The following RHOT1 variants were observed in gnomAD, a reference collection of about 807,000 sequenced individuals.
RHOT1 encodes the protein ras homolog family member T1.
Under a neutral mutation model 95.3 loss-of-function variants are expected in RHOT1, and 27 were observed. That is an observed-to-expected ratio of 0.28 (90% CI 0.21 to 0.39). The LOEUF is 0.39. Ranked by LOEUF, RHOT1 falls within the 10% of genes least tolerant of loss-of-function variation. RHOT1 has a pLI of 1.00. For synonymous variants in RHOT1, 227 were observed against 263.5 expected, an observed-to-expected ratio of 0.86 and a Z score of 1.34; for missense variants, 578 against 786.7, an observed-to-expected ratio of 0.73 and a Z score of 3.17.
intron 15 of RHOT1, 163 bp from the exon 16 acceptor site, chr17:32,203,727 T>C: frequency 1.8e-6 from 1 of 569,178 alleles, no homozygotes. Flanking sequence ...TCTTAAGAAC[T>C]AAGAAACATA....
At chr17:32,203,499 C>A (rs1567715922) in intron 15 of RHOT1, among the ~76,000 whole-genome samples, 2 of 152,014 alleles carry the variant, frequency 1.3e-5, no homozygotes, top group South Asian at 4.1e-4. Flanking sequence ...TGGTCTTGAA[C>A]TACTTGGCCT....
intron 17 of RHOT1, 80 bp from the exon 18 acceptor site, chr17:32,208,027 G>A: frequency 7.7e-7 from 1 of 1,297,622 alleles, no homozygotes; most frequent in Non-Finnish European, 1.1e-6. Context: ...CCCATCTGGA[G>A]GAAATGCTTG....
chr17:32,150,838 G>A (rs752805778), intron 1 of RHOT1: 16 of 1,523,366 alleles, frequency 1.1e-5, no homozygotes, highest in Non-Finnish European at 1.3e-5. Flanking sequence ...GAGCTGAGGT[G>A]GAAGGGAGCT....
At chr17:32,153,665 GAAAAGTGTA>G (rs1051635895) in intron 1 of RHOT1, among the ~76,000 whole-genome samples, 36 of 151,860 alleles carry the variant, frequency 2.4e-4, no homozygotes, top group African/African-American at 8.2e-4. Flanking sequence ...TCTCAAAAAA[GAAAAGTGTA>G]AAATATCCAG....
At chr17:32,189,966 G>A (rs1212399168) in intron 8 of RHOT1, among the ~76,000 whole-genome samples, 2 of 151,794 alleles carry the variant, frequency 1.3e-5, no homozygotes, top group Admixed American at 6.6e-5. Flanking sequence ...TAATTTGCTC[G>A]CCTTGGCTTC....
intron 1 of RHOT1, chr17:32,143,258 C>T (rs974828662): frequency 2.7e-6 from 1 of 366,202 alleles, no homozygotes; most frequent in Non-Finnish European, 5.4e-6. Flanking sequence ...GGTCAGGTTT[C>T]TGCATTTTTT....
chr17:32,157,743 G>T (rs2033107708), intron 1 of RHOT1, among the ~76,000 whole-genome samples: 1 of 151,966 alleles, frequency 6.6e-6, no homozygotes, highest in Non-Finnish European at 1.5e-5. Context: ...GGAGGTGGAG[G>T]TTGCAGTGAG....
At chr17:32,215,953 A>G (rs1246901226) in intron 19 of RHOT1, among the ~76,000 whole-genome samples, 2 of 152,164 alleles carry the variant, frequency 1.3e-5, no homozygotes, top group Non-Finnish European at 2.9e-5. Context: ...TGGTCAGATG[A>G]TTTTAATCTT....
intron 16 of RHOT1, 63 bp downstream of exon 16, chr17:32,204,036 G>A: frequency 1.7e-6 from 2 of 1,155,034 alleles, no homozygotes; most frequent in South Asian, 1.3e-5. Context: ...ATGACTCTTT[G>A]AAAACAAATT....
At chr17:32,186,047 T>G (rs1175805902) in intron 8 of RHOT1, among the ~76,000 whole-genome samples, 1 of 152,140 alleles carries the variant, frequency 6.6e-6, no homozygotes, top group African/African-American at 2.4e-5. Context: ...TGAGTACATT[T>G]AGTAGTTGAA....
At chr17:32,178,198 T>C (rs973662720) in intron 6 of RHOT1, among the ~76,000 whole-genome samples, 18 of 144,820 alleles carry the variant, frequency 1.2e-4, no homozygotes, top group African/African-American at 5.0e-4. Context: ...AAATAATAAA[T>C]GCCCTCCCCC....
chr17:32,155,043 C>T (rs1234777285), intron 1 of RHOT1, among the ~76,000 whole-genome samples: 1 of 152,076 alleles, frequency 6.6e-6, no homozygotes, highest in African/African-American at 2.4e-5. Context: ...GTGATTGCAC[C>T]ACTGCACTGC....
intron 18 of RHOT1, among the ~76,000 whole-genome samples, chr17:32,210,446 T>C (rs896021475): frequency 3.3e-5 from 5 of 152,224 alleles, no homozygotes; most frequent in Non-Finnish European, 7.3e-5. Flanking sequence ...TTTACATCCT[T>C]ACCCAGAGTT....
At chr17:32,189,301 C>G (rs1261010233) in intron 8 of RHOT1, among the ~76,000 whole-genome samples, 3 of 151,738 alleles carry the variant, frequency 2.0e-5, no homozygotes, top group Admixed American at 2.0e-4. Flanking sequence ...GACCCCACCT[C>G]AAGAAAAAAA....
chr17:32,190,343 T>C (rs1445495399), intron 8 of RHOT1, among the ~76,000 whole-genome samples: 4 of 151,988 alleles, frequency 2.6e-5, no homozygotes, highest in African/African-American at 7.2e-5. Flanking sequence ...TAGACCCAGC[T>C]ACTCGGGAGA....
chr17:32,176,055 G>A (rs770338982), intron 5 of RHOT1, 40 bp downstream of exon 5: 10 of 1,583,292 alleles, frequency 6.3e-6, no homozygotes, highest in Non-Finnish European at 8.6e-6. Context: ...GGTTTCAGTG[G>A]AGTGCTTCCA....
chr17:32,173,678 A>T (rs568878488), intron 2 of RHOT1, among the ~76,000 whole-genome samples, 153 bp from the exon 3 acceptor site: 1 of 151,548 alleles, frequency 6.6e-6, no homozygotes, highest in East Asian at 1.9e-4. Context: ...GCACCACTGC[A>T]CTCTAGCCTG....
intron 1 of RHOT1, among the ~76,000 whole-genome samples, chr17:32,167,349 C>T (rs1049214770): frequency 1.1e-4 from 16 of 147,654 alleles, no homozygotes; most frequent in South Asian, 6.3e-4. Context: ...TTTTTTGAGA[C>T]GGAGTCTCGC....
At chr17:32,162,612 T>TTCTTCAC (rs1318262801) in intron 1 of RHOT1, among the ~76,000 whole-genome samples, 1 of 152,184 alleles carries the variant, frequency 6.6e-6, no homozygotes, top group East Asian at 1.9e-4. Context: ...ACCACTGTGC[T>TTCTTCAC]TGGGCCAGGT....
Sources: allele counts gnomAD v4.1 joint callset (sites outside exome capture counted in the v4.1 genomes callset), GRCh38; gene constraint gnomAD v4.1.1; transcripts MANE v1.5; gene names NCBI Gene and HGNC (gene_info 2026-07-23, HGNC 2026-07-21).